ANKS1B: variants seen among roughly 807,000 people sequenced by gnomAD.
The protein encoded by ANKS1B is ankyrin repeat and sterile alpha motif domain-containing protein 1B.
In ANKS1B, 36 loss-of-function variants were observed where a neutral mutation model predicts 148.3. The ratio of observed to expected loss-of-function variants is 0.24; its 90% CI spans 0.19 to 0.32. The LOEUF (loss-of-function observed/expected upper bound fraction) is 0.32. Ranked by LOEUF, ANKS1B falls within the 10% of genes least tolerant of loss-of-function variation. ANKS1B has a pLI of 1.00. For synonymous variants in ANKS1B, 542 were observed against 560.8 expected, an observed-to-expected ratio of 0.97 and a Z score of 0.47; for missense variants, 1,157 against 1,542.6, an observed-to-expected ratio of 0.75 and a Z score of 4.19.
intron 10 of ANKS1B, among the ~76,000 whole-genome samples, chr12:99,494,610 G>A (rs966432151): frequency 2.6e-5 from 4 of 151,632 alleles, no homozygotes; most frequent in Admixed American, 6.6e-5. Flanking sequence ...GCGGGCGCCT[G>A]TAGTCCCAGC....
At chr12:99,793,159 A>G (rs1190557197) in intron 4 of ANKS1B, among the ~76,000 whole-genome samples, 1 of 152,040 alleles carries the variant, frequency 6.6e-6, no homozygotes, top group East Asian at 1.9e-4. Context: ...TACAATGAAA[A>G]CTGTAAAATA....
intron 1 of ANKS1B, among the ~76,000 whole-genome samples, chr12:99,825,594 T>C (rs2083080062): frequency 1.3e-5 from 2 of 152,250 alleles, no homozygotes; most frequent in African/African-American, 4.8e-5. Context: ...AGAATGCAAC[T>C]ATTAATATCT....
intron 4 of ANKS1B, among the ~76,000 whole-genome samples, chr12:99,785,606 T>C (rs1334895634): frequency 2.0e-5 from 3 of 152,074 alleles, no homozygotes; most frequent in South Asian, 2.1e-4. Flanking sequence ...CTAATTTTTG[T>C]ATGTTTAGTA....
intron 17 of ANKS1B, among the ~76,000 whole-genome samples, chr12:98,896,123 T>C (rs1370362496): frequency 6.6e-6 from 1 of 152,158 alleles, no homozygotes; most frequent in Non-Finnish European, 1.5e-5. Context: ...TAGGTTGGAA[T>C]GGCGGTACTT....
chr12:99,742,547 G>C (rs932586736), intron 8 of ANKS1B, among the ~76,000 whole-genome samples: 1 of 151,988 alleles, frequency 6.6e-6, no homozygotes, highest in Non-Finnish European at 1.5e-5. Context: ...ATGCACACTA[G>C]AATTTGGCTG....
At chr12:99,093,021 T>C (rs1219981749) in intron 15 of ANKS1B, among the ~76,000 whole-genome samples, 1 of 152,266 alleles carries the variant, frequency 6.6e-6, no homozygotes, top group East Asian at 1.9e-4. Flanking sequence ...TGCTGATGCT[T>C]CCTTCACTAC....
chr12:99,467,560 C>A (rs1183146544), intron 10 of ANKS1B, among the ~76,000 whole-genome samples: 1 of 152,204 alleles, frequency 6.6e-6, no homozygotes, highest in Non-Finnish European at 1.5e-5. Flanking sequence ...AGCCCAAAAT[C>A]TCCTTAAGCT....
chr12:99,088,070 A>G (rs2052582102), intron 15 of ANKS1B, among the ~76,000 whole-genome samples: 1 of 152,226 alleles, frequency 6.6e-6, no homozygotes, highest in South Asian at 2.1e-4. Flanking sequence ...TGAAAAATGA[A>G]CCAAAATTAT....
In ANKS1B at chr12:98,781,189, T is replaced by G. The variant is rs748810962; in HGVS notation, c.3369A>C (p.Gln1123His). The G allele has an allele frequency of 6.3e-7, 1 of 1,581,542 alleles. No individual in the cohort carries two copies. The highest frequency in any genetic ancestry group is 1.2e-5 in the South Asian group (1 of 86,554). The change falls in exon 24 of 27, where the codon CAA becomes CAC. Residue 1123 changes from glutamine (Q) to histidine (H), a missense_variant. Coordinates refer to ENST00000683438, the MANE Select transcript of ANKS1B (RefSeq NM_001352186.2). The part of the protein sequence containing the change: ...MRANCQKSTE[Q>H]MKKVPTIILS... Reference sequence around the variant, plus strand: ...GAATAATAGTAGGGACCTTCTTCATTTGCTCTGTAGACTTCTGAAATTAAA... The same window carrying G: ...GAATAATAGTAGGGACCTTCTTCATGTGCTCTGTAGACTTCTGAAATTAAA...
intron 8 of ANKS1B, among the ~76,000 whole-genome samples, chr12:99,695,857 C>T (rs1478777636): frequency 6.6e-6 from 1 of 152,134 alleles, no homozygotes; most frequent in Non-Finnish European, 1.5e-5. Flanking sequence ...CAAACCTGCA[C>T]ATCCTGCACA....
chr12:99,289,151 A>C, intron 12 of ANKS1B, among the ~76,000 whole-genome samples: 1 of 152,114 alleles, frequency 6.6e-6, no homozygotes, highest in Non-Finnish European at 1.5e-5. Flanking sequence ...GTTTCAAGAT[A>C]AAAACTACAA....
At chr12:99,503,249 G>A (rs2096673120) in intron 10 of ANKS1B, among the ~76,000 whole-genome samples, 1 of 152,232 alleles carries the variant, frequency 6.6e-6, no homozygotes, top group African/African-American at 2.4e-5. Flanking sequence ...ATATAGGCAT[G>A]AGCCATCGCT....
intron 1 of ANKS1B, among the ~76,000 whole-genome samples, chr12:99,885,263 T>C (rs973525191): frequency 2.6e-5 from 4 of 151,848 alleles, no homozygotes; most frequent in African/African-American, 7.3e-5. Context: ...GCCTCAGCTA[T>C]GCCTTTACTG....
intron 10 of ANKS1B, among the ~76,000 whole-genome samples, chr12:99,494,812 G>C (rs964942725): frequency 2.6e-5 from 4 of 151,470 alleles, no homozygotes; most frequent in African/African-American, 9.7e-5. Context: ...AATTCCTGAG[G>C]AGGAAAAGAC....
At chr12:99,415,467 A>G (rs2094866769) in intron 11 of ANKS1B, among the ~76,000 whole-genome samples, 1 of 152,198 alleles carries the variant, frequency 6.6e-6, no homozygotes, top group Non-Finnish European at 1.5e-5. Context: ...AGACATTTTT[A>G]CAAATAAAGG....
At chr12:98,856,827 T>C (rs1325469359) in intron 17 of ANKS1B, among the ~76,000 whole-genome samples, 2 of 152,082 alleles carry the variant, frequency 1.3e-5, no homozygotes, top group African/African-American at 4.8e-5. Flanking sequence ...GAAGAATCAA[T>C]AGGAAGGTGC....
At chr12:99,065,861 G>C (rs1049940435) in intron 16 of ANKS1B, among the ~76,000 whole-genome samples, 1 of 152,168 alleles carries the variant, frequency 6.6e-6, no homozygotes, top group African/African-American at 2.4e-5. Context: ...AATAAATAAA[G>C]TATATAGTCT....
At chr12:99,948,778 G>A (rs372500262) in intron 1 of ANKS1B, among the ~76,000 whole-genome samples, 1 of 152,302 alleles carries the variant, frequency 6.6e-6, no homozygotes, top group East Asian at 1.9e-4. Flanking sequence ...AGGCAAACTG[G>A]AGAATACAAA....
intron 12 of ANKS1B, among the ~76,000 whole-genome samples, chr12:99,280,160 G>T (rs1479964089): frequency 6.7e-6 from 1 of 149,330 alleles, no homozygotes; most frequent in African/African-American, 2.6e-5. Flanking sequence ...TAGAGTCTGT[G>T]TGTGTGTGTG....
Sources: gnomAD v4.1 joint callset for allele counts (sites outside exome capture counted in the v4.1 genomes callset) on GRCh38, gnomAD v4.1.1 for gene constraint, MANE v1.5 for transcripts, NCBI Gene and HGNC (gene_info 2026-07-23, HGNC 2026-07-21) for gene names.